Variants in ATP2B2 observed in about 807,000 individuals in gnomAD.
The protein encoded by ATP2B2 is plasma membrane calcium-transporting ATPase 2.
A neutral mutation model predicts 120.0 loss-of-function variants in ATP2B2; 15 were observed. The ratio of observed to expected loss-of-function variants is 0.12; its 90% CI spans 0.08 to 0.19. The LOEUF is 0.19. Among genes scored for constraint, ATP2B2 ranks in the 10% least tolerant of loss-of-function variants. The probability of loss-of-function intolerance (pLI) is 1.00; values close to 1 mark genes in which losing one functional copy is unlikely to be tolerated. For missense variants in ATP2B2, 1,045 were observed against 1,719.8 expected (o/e 0.61, Z 6.94); for synonymous variants, 694 against 700.3 (o/e 0.99, Z 0.14).
chr3:10,468,657 C>T (rs917967623), intron 1 of ATP2B2, among the ~76,000 whole-genome samples: 2 of 152,228 alleles, frequency 1.3e-5, no homozygotes, highest in Admixed American at 1.3e-4. Flanking sequence ...TCTGTGGCTC[C>T]AAGGGGACAA....
At chr3:10,456,093 C>A (rs774656225) in intron 1 of ATP2B2, among the ~76,000 whole-genome samples, 2 of 152,046 alleles carry the variant, frequency 1.3e-5, no homozygotes, top group Non-Finnish European at 2.9e-5. Context: ...GAGGAAGGAG[C>A]AATATTTTTT....
chr3:10,521,996 G>C (rs1175908154), intron 3 of ATP2B2, among the ~76,000 whole-genome samples: 2 of 152,220 alleles, frequency 1.3e-5, no homozygotes, highest in African/African-American at 2.4e-5. Context: ...ACGTTTGTCA[G>C]GTAACAGTCT....
rs1451180987 is a variant in ATP2B2, at chr3:10,338,302, G to A, written c.3294C>T (p.Leu1098=). The A allele has an allele frequency of 1.9e-6, 3 of 1,614,070 alleles. No homozygotes were observed. Among genetic ancestry groups the A allele is most frequent in the African/African-American group, 1.3e-5 (1 of 74,936 alleles). ...CCTCCGGGATCTCCTCCTTCTGTGT[G>A]AGCCTGCCTGCCTCCTTGAGGAACT... ...RLKFLKEAGR[L]TQKEEIPEEE... The change falls in exon 22 of 23, where the codon CTC becomes CTT. Residue 1098 remains leucine (L), a synonymous_variant. Transcript: ENST00000360273.
chr3:10,535,853 T>C (rs1265482991), intron 2 of ATP2B2, among the ~76,000 whole-genome samples: 1 of 152,230 alleles, frequency 6.6e-6, no homozygotes. Context: ...ATTGTTTTCA[T>C]TTGTTTGGAA....
intron 3 of ATP2B2, among the ~76,000 whole-genome samples, chr3:10,520,747 C>T (rs910601178): frequency 3.5e-5 from 5 of 143,428 alleles, no homozygotes; most frequent in African/African-American, 1.4e-4. Context: ...TGAGCCACCA[C>T]ACCTGGCCTC....
chr3:10,413,147 G>C (rs1197464307), intron 2 of ATP2B2, among the ~76,000 whole-genome samples: 1 of 152,222 alleles, frequency 6.6e-6, no homozygotes, highest in Non-Finnish European at 1.5e-5. Context: ...GCCTAGCCTG[G>C]TGCCAGGTTC....
chr3:10,548,135 G>C (rs996679905), intron 2 of ATP2B2, among the ~76,000 whole-genome samples: 2 of 152,226 alleles, frequency 1.3e-5, no homozygotes, highest in African/African-American at 4.8e-5. Flanking sequence ...AAGGAGTAGA[G>C]CCCAAAGGCA....
At chr3:10,601,506 T>C (rs547996595) in intron 2 of ATP2B2, among the ~76,000 whole-genome samples, 2 of 152,340 alleles carry the variant, frequency 1.3e-5, no homozygotes, top group African/African-American at 4.8e-5. Flanking sequence ...TTACCTCATT[T>C]ATAAATGGAG....
At chr3:10,385,984 G>C (rs1314709993) in intron 7 of ATP2B2, among the ~76,000 whole-genome samples, 1 of 152,250 alleles carries the variant, frequency 6.6e-6, no homozygotes, top group Non-Finnish European at 1.5e-5. Flanking sequence ...AGGCACTAGT[G>C]AATTTTTCTT....
At chr3:10,498,799 C>T (rs778158146) in intron 1 of ATP2B2, among the ~76,000 whole-genome samples, 1 of 152,208 alleles carries the variant, frequency 6.6e-6, no homozygotes, top group Non-Finnish European at 1.5e-5. Context: ...CCACCAATCC[C>T]ATATGCTCCA....
chr3:10,531,603 C>T (rs192971972), intron 3 of ATP2B2, among the ~76,000 whole-genome samples: 9 of 152,318 alleles, frequency 5.9e-5, no homozygotes, highest in Admixed American at 2.0e-4. Flanking sequence ...ATTTTTGTGA[C>T]TATGAATTCA....
At chr3:10,507,125 CG>C (rs769831581), upstream of ATP2B2, among the ~76,000 whole-genome samples, 9 of 152,144 alleles carry the variant, frequency 5.9e-5, no homozygotes, top group Non-Finnish European at 8.8e-5. Context: ...TGTCAAGGGC[CG>C]GGTGGTCATT....
intron 1 of ATP2B2, among the ~76,000 whole-genome samples, chr3:10,476,603 G>C (rs1200891364): frequency 1.3e-5 from 2 of 152,260 alleles, no homozygotes; most frequent in Non-Finnish European, 2.9e-5. Context: ...GCATGGCACA[G>C]GATCCTGTAG....
chr3:10,654,044 T>C (rs2070540518), intron 1 of ATP2B2, among the ~76,000 whole-genome samples: 1 of 152,190 alleles, frequency 6.6e-6, no homozygotes, highest in Admixed American at 6.5e-5. Context: ...ACTTGGCTCC[T>C]GGAAATGAGT....
At chr3:10,337,507 G>A (rs2060151217) in intron 22 of ATP2B2, among the ~76,000 whole-genome samples, 1 of 152,098 alleles carries the variant, frequency 6.6e-6, no homozygotes, top group Admixed American at 6.5e-5. Flanking sequence ...TGTGTGTGGG[G>A]GGGTCGGGGG....
At chr3:10,583,846 G>C (rs1226782808) in intron 2 of ATP2B2, among the ~76,000 whole-genome samples, 1 of 152,180 alleles carries the variant, frequency 6.6e-6, no homozygotes, top group Admixed American at 6.5e-5. Context: ...CTTGTCATGG[G>C]GCTGGGAGAG....
upstream of ATP2B2, among the ~76,000 whole-genome samples, chr3:10,507,307 G>A (rs1296365006): frequency 6.6e-6 from 1 of 152,106 alleles, no homozygotes; most frequent in Non-Finnish European, 1.5e-5. Context: ...TTCATCTTGC[G>A]GGTGCAGATG....
intron 2 of ATP2B2, among the ~76,000 whole-genome samples, chr3:10,583,062 T>C (rs550705672): frequency 6.6e-6 from 1 of 152,376 alleles, no homozygotes; most frequent in South Asian, 2.1e-4. Context: ...ACCTGCTTCC[T>C]GCATTTGCTT....
At chr3:10,345,971 G>A in intron 17 of ATP2B2, 60 bp downstream of exon 17, 2 of 1,513,214 alleles carry the variant, frequency 1.3e-6, no homozygotes, top group Non-Finnish European at 1.8e-6. Context: ...CCAGCCCAAG[G>A]TTGTGTAGTC....
Sources: gnomAD v4.1 joint callset for allele counts (sites outside exome capture counted in the v4.1 genomes callset) on GRCh38, gnomAD v4.1.1 for gene constraint, MANE v1.5 for transcripts, NCBI Gene and HGNC (gene_info 2026-07-23, HGNC 2026-07-21) for gene names.